SIPA1L3: variants seen among roughly 807,000 people sequenced by gnomAD.
SIPA1L3 encodes the protein signal induced proliferation associated 1 like 3.
SIPA1L3 carries 59 observed loss-of-function variants against 150.1 expected under a neutral mutation model. The observed-to-expected ratio is 0.39, with a 90% CI of 0.32 to 0.49. The LOEUF (loss-of-function observed/expected upper bound fraction) is 0.49, where lower values mean the gene tolerates loss of function less well. SIPA1L3 is among the 20% of genes least tolerant of loss of function. The probability of loss-of-function intolerance (pLI) is 0.86; values close to 1 mark genes in which losing one functional copy is unlikely to be tolerated. For synonymous variants in SIPA1L3, 1,070 were observed against 1,077.6 expected, an observed-to-expected ratio of 0.99 and a Z score of 0.14; for missense variants, 2,211 against 2,489.5, an observed-to-expected ratio of 0.89 and a Z score of 2.38.
chr19:37,929,297 G>A lies in SIPA1L3; in HGVS notation c.-379+21939G>A, dbSNP rs2046532648. ...AGAGTACCATTTAGGAAAGGACTGG[G>A]AAAGGGGGAGGGATATTGGGTAGGC... On this transcript the variant is annotated intron_variant, in intron 1 of 21. Transcript: ENST00000222345. 2.6e-5 allele frequency among the ~76,000 whole-genome samples: 4 copies of A among 152,220 alleles called. No individual in the cohort carries two copies. In the South Asian group the frequency reaches 8.3e-4, roughly 32 times the overall value.
Position 38,063,050 on chromosome 19 carries a change from G to A in SIPA1L3, c.-310-18206G>A, listed in dbSNP as rs114560690. Among the ~76,000 whole-genome samples, 1,360 of 152,270 alleles carry A rather than the reference G, an allele frequency of 8.9e-3. 10 individuals carry two copies. Among genetic ancestry groups the A allele is most frequent in the African/African-American group, 0.028 (1,158 of 41,554 alleles). ...CTCTCTGAACCCCATTGTGAAGCAC[G>A]GGTGACAGTAGCAGGTGATTAGAAG... is the stretch of plus-strand genomic sequence containing the variant. On this transcript the variant is annotated intron_variant, in intron 2 of 21. Coordinates refer to ENST00000222345, the MANE Select transcript of SIPA1L3 (RefSeq NM_015073.3).
intron 15 of SIPA1L3, among the ~76,000 whole-genome samples, chr19:38,169,901 C>A (rs879506053): frequency 6.6e-6 from 1 of 151,368 alleles, no homozygotes; most frequent in Non-Finnish European, 1.5e-5. Flanking sequence ...TACAAGGCAG[C>A]TGCGAAGAGG....
chr19:37,998,167 A>AT (rs1405970888), intron 1 of SIPA1L3, among the ~76,000 whole-genome samples: 3 of 152,186 alleles, frequency 2.0e-5, no homozygotes, highest in African/African-American at 7.2e-5. Context: ...GAGTGCATGA[A>AT]TGGAAAATCT....
rs201766021 is a variant in SIPA1L3, at chr19:38,082,038, C to A, written c.473C>A (p.Ser158Tyr). Residue 158 changes from serine to tyrosine, a missense_variant, in exon 3 of 22, where the codon TCC becomes TAC. Physicochemically the swap from Ser to Tyr is moderately radical, Grantham distance 144. This residue lies in a region of SIPA1L3 where 587 missense variants were observed against 534.5 expected (regional missense o/e 1.10). Transcript: ENST00000222345. ...DVEFQDGWPR[S>Y]PGRAFLPLRH... ...GAGTTCCAGGACGGGTGGCCCCGGTCCCCCGGCAGGGCCTTCCTCCCCCTT... is the reference window on the plus strand; with the variant it reads ...GAGTTCCAGGACGGGTGGCCCCGGTACCCCGGCAGGGCCTTCCTCCCCCTT... 2.5e-6 allele frequency: 4 copies of A among 1,614,004 alleles called. No individual in the cohort carries two copies. Among genetic ancestry groups the A allele is most frequent in the South Asian group, 2.2e-5 (2 of 91,082 alleles).
intron 8 of SIPA1L3, among the ~76,000 whole-genome samples, chr19:38,117,539 A>C (rs180832877): frequency 1.0e-3 from 154 of 149,438 alleles, no homozygotes; most frequent in Non-Finnish European, 1.7e-3. Flanking sequence ...GAATTGCTTG[A>C]CCCCGGGAGG....
At chr19:38,125,784 T>C (rs1367415362) in intron 9 of SIPA1L3, among the ~76,000 whole-genome samples, 2 of 152,222 alleles carry the variant, frequency 1.3e-5, no homozygotes, top group African/African-American at 2.4e-5. Flanking sequence ...AGTGTTGTTA[T>C]GCGCCTGGCC....
At chr19:38,111,560 C>T (rs1369376184) in intron 8 of SIPA1L3, among the ~76,000 whole-genome samples, 1 of 152,186 alleles carries the variant, frequency 6.6e-6, no homozygotes, top group Non-Finnish European at 1.5e-5. Flanking sequence ...TGTATGTGCA[C>T]CAGTAGTCAC....
chr19:38,131,992 T>C (rs933383284), intron 10 of SIPA1L3, among the ~76,000 whole-genome samples: 1 of 151,950 alleles, frequency 6.6e-6, no homozygotes, highest in Non-Finnish European at 1.5e-5. Flanking sequence ...CGTAACACTC[T>C]GGGAGGCTGA....
intron 9 of SIPA1L3, among the ~76,000 whole-genome samples, chr19:38,121,342 G>T (rs1389338368): frequency 6.6e-6 from 1 of 152,018 alleles, no homozygotes; most frequent in Non-Finnish European, 1.5e-5. Context: ...GGAGGCTGAG[G>T]CAGGAGAATG....
chr19:37,995,923 T>G (rs1220917596), intron 1 of SIPA1L3, among the ~76,000 whole-genome samples: 1 of 152,090 alleles, frequency 6.6e-6, no homozygotes. Flanking sequence ...TTCAGTGGTT[T>G]GTTTTGTTCC....
At chr19:37,936,224 C>T (rs933322908) in intron 1 of SIPA1L3, among the ~76,000 whole-genome samples, 1 of 152,124 alleles carries the variant, frequency 6.6e-6, no homozygotes, top group Non-Finnish European at 1.5e-5. Flanking sequence ...AGGACATCTA[C>T]AGTTTTTCAG....
intron 1 of SIPA1L3, among the ~76,000 whole-genome samples, chr19:38,002,304 T>C (rs1967823977): frequency 1.3e-5 from 2 of 152,238 alleles, no homozygotes; most frequent in African/African-American, 4.8e-5. Context: ...GTATTTGTCC[T>C]TTTGTGGCTG....
intron 1 of SIPA1L3, among the ~76,000 whole-genome samples, chr19:37,988,310 G>A (rs1967413853): frequency 6.6e-6 from 1 of 152,164 alleles, no homozygotes; most frequent in Admixed American, 6.5e-5. Context: ...CTGGAACCCA[G>A]GAGTTCGAGA....
intron 1 of SIPA1L3, among the ~76,000 whole-genome samples, chr19:37,950,694 C>T (rs544143077): frequency 7.9e-5 from 12 of 152,324 alleles, no homozygotes; most frequent in African/African-American, 2.9e-4. Context: ...GCGCTTGCTC[C>T]CCACAAGCCC....
rs1968154207 is a variant in SIPA1L3 at position 38,013,420 on chromosome 19, T to C, written c.-378-15669T>C. Among the ~76,000 whole-genome samples, 4 of 152,160 alleles carry C rather than the reference T, an allele frequency of 2.6e-5. No individual in the cohort carries two copies. In the South Asian group the frequency reaches 8.3e-4, roughly 32 times the overall value. On this transcript the variant is annotated intron_variant, in intron 1 of 21. Coordinates refer to ENST00000222345, the MANE Select transcript of SIPA1L3 (RefSeq NM_015073.3). ...AGCATGGGCTGAAAAAAAAAAGTTT[T>C]ATGAGCCAGTACATGCGTGTGATAA...
chr19:38,060,480 G>C (rs1312181644), intron 2 of SIPA1L3, among the ~76,000 whole-genome samples: 1 of 152,160 alleles, frequency 6.6e-6, no homozygotes. Context: ...GTACAGGTGG[G>C]CTGCGGCTAT....
chr19:38,066,184 A>T (rs28644376), intron 2 of SIPA1L3, among the ~76,000 whole-genome samples: 29,390 of 146,432 alleles, frequency 0.2, 3,135 homozygotes, highest in African/African-American at 0.31. Context: ...GGCAAATTTT[A>T]AAAAAAAAAT....
chr19:37,935,472 C>T (rs1599812294), intron 1 of SIPA1L3, among the ~76,000 whole-genome samples: 1 of 152,172 alleles, frequency 6.6e-6, no homozygotes, highest in Non-Finnish European at 1.5e-5. Context: ...ATTGCTGCAC[C>T]ACAAGCCACC....
At chr19:37,936,471 T>C (rs987588936) in intron 1 of SIPA1L3, among the ~76,000 whole-genome samples, 2 of 152,234 alleles carry the variant, frequency 1.3e-5, no homozygotes, top group Non-Finnish European at 2.9e-5. Context: ...ACCAGATCAT[T>C]GCTGAGCTCA....
Sources: allele counts gnomAD v4.1 joint callset (sites outside exome capture counted in the v4.1 genomes callset), GRCh38; gene constraint gnomAD v4.1.1; regional missense constraint gnomAD v4.1.1; transcripts MANE v1.5; gene names NCBI Gene and HGNC (gene_info 2026-07-23, HGNC 2026-07-21).